Variants in GSDMD observed in about 807,000 individuals in gnomAD.
GSDMD encodes gasdermin D.
GSDMD carries 46 observed loss-of-function variants against 46.7 expected under a neutral mutation model. That is an observed-to-expected ratio of 0.99 (90% confidence interval 0.78 to 1.26). The LOEUF is 1.26. GSDMD is among the 50% of genes most tolerant of loss of function. The pLI is 0.00. For synonymous variants in GSDMD, 307 were observed against 283.1 expected, an observed-to-expected ratio of 1.08 and a Z score of -0.85; for missense variants, 649 against 638.8, an observed-to-expected ratio of 1.02 and a Z score of -0.17.
chr8:143,557,414 G>A (rs564384130), upstream of GSDMD, among the ~76,000 whole-genome samples: 69 of 152,074 alleles, frequency 4.5e-4, 2 homozygotes, highest in African/African-American at 1.5e-3. Flanking sequence ...AGCTGCTGCC[G>A]CTGTGGCGAA....
In GSDMD at chr8:143,558,429, C is replaced by A; in HGVS notation, c.-27C>A. ...GAGAGCAGACGCGCCAGACGCGCCA[C>A]CCTCGGGGCGCCGACGGTCACGGTG... On this transcript the variant is annotated 5_prime_UTR_variant, in exon 1 of 11. Coordinates refer to ENST00000262580, the MANE Select transcript of GSDMD (RefSeq NM_024736.7). 6.6e-7 allele frequency: 1 copy of A among 1,505,090 alleles called. No homozygotes were observed. The highest frequency in any genetic ancestry group is 8.8e-7 in the Non-Finnish European group (1 of 1,133,504). The allele number at this position is 1,505,090 out of a possible 1,614,324, so 93.2% of individuals were successfully genotyped here. A position where few individuals can be genotyped will look rare whatever the true frequency, so the allele number is the denominator to read the frequency against.
At chr8:143,559,299 G>GA in intron 1 of GSDMD, 33 bp from the exon 2 acceptor site, 1 of 476,606 alleles carries the variant, frequency 2.1e-6, no homozygotes, top group Non-Finnish European at 4.2e-6. Context: ...CCCGCCCCGA[G>GA]AGCACAATGC....
At chr8:143,561,536 G>C in intron 6 of GSDMD, 113 bp downstream of exon 6, 6 of 1,119,172 alleles carry the variant, frequency 5.4e-6, no homozygotes, top group Non-Finnish European at 6.4e-6. Context: ...GCAGCCCCCT[G>C]AGGCGGTGGG....
At chr8:143,555,663 T>C (rs1823286564), upstream of GSDMD, among the ~76,000 whole-genome samples, 1 of 152,198 alleles carries the variant, frequency 6.6e-6, no homozygotes, top group Admixed American at 6.5e-5. Context: ...CCCAGGGCGC[T>C]GGCTTCCAGG....
chr8:143,557,888 G>T (rs1823345972), upstream of GSDMD: 6 of 441,232 alleles, frequency 1.4e-5, no homozygotes, highest in South Asian at 9.8e-5. Context: ...CAGGCCCAAA[G>T]TTGTTTGTTT....
At position 143,559,763 on chromosome 8, in the gene GSDMD, T is replaced by C. The variant is rs1287060914; in HGVS notation, c.218-14T>C. 1.3e-6 allele frequency: 2 copies of C among 1,579,060 alleles called. No homozygotes were observed. Among genetic ancestry groups the C allele is most frequent in the African/African-American group, 1.3e-5 (1 of 74,544 alleles). On this transcript the variant is annotated splice_polypyrimidine_tract_variant and intron_variant, in intron 2 of 10. Coordinates refer to ENST00000262580, the MANE Select transcript of GSDMD (RefSeq NM_024736.7). ...GGGGCGCTGGGCACAGCCTCAGGTC[T>C]GGCCTTGCTTTAGACGTGCAGCGTG...
At chr8:143,558,300 C>T (rs991741814), upstream of GSDMD, 104 of 1,508,376 alleles carry the variant, frequency 6.9e-5, no homozygotes, top group Non-Finnish European at 9.0e-5. Context: ...GCGGGCTCTC[C>T]GGGACGGTTC....
At position 143,561,762 on chromosome 8, in the gene GSDMD, G is replaced by A. The variant is rs148948671; in HGVS notation, c.757G>A (p.Glu253Lys). The stretch of plus-strand genomic sequence containing the variant: ...CCCAGGCCACAAGCGTTCCACGAGC[G>A]AAGGCGCCTGGCCACAGCTGCCCTC... Reference protein sequence around the residue: ...PATGHKRSTSEGAWPQLPSGL... With the variant: ...PATGHKRSTSKGAWPQLPSGL... Residue 253 changes from glutamate (E) to lysine (K), a missense_variant, in exon 7 of 11, where the codon GAA becomes AAA. Physicochemically the swap from Glu to Lys is moderately conservative, Grantham distance 56. Transcript: ENST00000262580. 9.1e-5 allele frequency: 147 copies of A among 1,609,258 alleles called. No individual in the cohort carries two copies. The African/African-American group carries it at 1.6e-3, about 18-fold the overall frequency.
chr8:143,560,051 A>AT, intron 3 of GSDMD, 82 bp downstream of exon 3: 1 of 1,318,706 alleles, frequency 7.6e-7, no homozygotes, highest in South Asian at 1.3e-5. Context: ...TATTTAAATT[A>AT]TTTTTTGAGG....
At position 143,561,951 on chromosome 8, in the gene GSDMD, C is replaced by T. The variant is rs748582958; in HGVS notation, c.824-8C>T. 4 of 1,607,888 alleles carry T rather than the reference C, an allele frequency of 2.5e-6. No homozygotes were observed. The highest frequency in any genetic ancestry group is 3.4e-6 in the Non-Finnish European group (4 of 1,177,362). On this transcript the variant is annotated splice_region_variant and splice_polypyrimidine_tract_variant and intron_variant, in intron 7 of 10. Coordinates refer to ENST00000262580, the MANE Select transcript of GSDMD (RefSeq NM_024736.7). ...ACCTGGGCAGTGCCAGCCCTTCTGT[C>T]CCTACAGATGGGGTCCCTGCGGAGG...
chr8:143,558,620 C>G (rs929427263), intron 1 of GSDMD, 169 bp downstream of exon 1: 2 of 670,138 alleles, frequency 3.0e-6, no homozygotes, highest in African/African-American at 3.9e-5. Flanking sequence ...CTGCCCCTGG[C>G]CAGCCCAGGG....
Position 143,562,752 on chromosome 8 carries a change from G to C in GSDMD, c.1303G>C (p.Gly435Arg), listed in dbSNP as rs1291391810. ...GCTCCTGGGGAACAGCTGGGGCGAA[G>C]GAGCACCGGCCTGGGTCTTGCTGGA... ...PGLLGNSWGE[G>R]APAWVLLDEC... Residue 435 changes from glycine (G) to arginine (R), a missense_variant, in exon 11 of 11, where the codon GGA becomes CGA. Coordinates refer to ENST00000262580, the MANE Select transcript of GSDMD (RefSeq NM_024736.7). 3.8e-6 allele frequency: 6 copies of C among 1,587,076 alleles called. No individual in the cohort carries two copies. The South Asian group carries it at 6.8e-5, about 18-fold the overall frequency.
At chr8:143,558,933 T>G in intron 1 of GSDMD, 2 of 542,842 alleles carry the variant, frequency 3.7e-6, no homozygotes, top group South Asian at 3.1e-5. Context: ...ACACTCTGGC[T>G]GGGTTTTGCA....
chr8:143,559,831 A>C lies in GSDMD; in HGVS notation c.272A>C (p.Gln91Pro). 6.2e-7 allele frequency: 1 copy of C among 1,611,978 alleles called. No homozygotes were observed. Among genetic ancestry groups the C allele is most frequent in the Non-Finnish European group, 8.5e-7 (1 of 1,179,638 alleles). ...TACGATGCCATGGATGGGCAGATAC[A>C]GGGCAGCGTGGAGCTGGCAGCCCCA... Reference protein sequence around the residue: ...HFYDAMDGQIQGSVELAAPGQ... With the variant: ...HFYDAMDGQIPGSVELAAPGQ... Residue 91 changes from glutamine (Q) to proline (P), a missense_variant, in exon 3 of 11, where the codon CAG (glutamine) becomes CCG (proline). Coordinates refer to ENST00000262580, the MANE Select transcript of GSDMD (RefSeq NM_024736.7).
Position 143,562,452 on chromosome 8 carries a change from G to A in GSDMD, c.1143G>A (p.Leu381=). Residue 381 remains leucine (L), a synonymous_variant, in exon 10 of 11, where the codon CTG becomes CTA. Transcript: ENST00000262580. The stretch of plus-strand genomic sequence containing the variant: ...TTTTACCTGACTCTCTCCCAGTGCT[G>A]AGTGAAACGCAGCACAAGCTGCTGG... ...VVYLLGALTM[L]SETQHKLLAE... 6.2e-7 allele frequency: 1 copy of A among 1,608,526 alleles called. No individual in the cohort carries two copies. Among genetic ancestry groups the A allele is most frequent in the East Asian group, 2.2e-5 (1 of 44,848 alleles).
chr8:143,559,943 C>T lies in GSDMD; in HGVS notation c.384C>T (p.Asn128=). The change falls in exon 3 of 11, where the codon AAC becomes AAT. Residue 128 remains asparagine, a synonymous_variant. Coordinates refer to ENST00000262580, the MANE Select transcript of GSDMD (RefSeq NM_024736.7). ...TGTACTCGCTGAGTGTGGACCCTAACACCTGGCAGACTCTGCTCCATGAGA... is the reference window on the plus strand; with the variant it reads ...TGTACTCGCTGAGTGTGGACCCTAATACCTGGCAGACTCTGCTCCATGAGA... ...MNVYSLSVDP[N]TWQTLLHERH... 2 of 1,612,588 alleles carry T rather than the reference C, an allele frequency of 1.2e-6. No individual in the cohort carries two copies. The highest frequency in any genetic ancestry group is 1.7e-6 in the Non-Finnish European group (2 of 1,179,840).
chr8:143,562,404 C>T lies in GSDMD; in HGVS notation c.1139-44C>T, dbSNP rs201009517. 834 of 1,563,558 alleles carry T rather than the reference C, an allele frequency of 5.3e-4. 4 individuals carry two copies. In the African/African-American group the frequency reaches 7.7e-3, roughly 15 times the overall value. On this transcript the variant is annotated intron_variant, in intron 9 of 10. Coordinates refer to ENST00000262580, the MANE Select transcript of GSDMD (RefSeq NM_024736.7). The stretch of plus-strand genomic sequence containing the variant: ...GTGGGAGGGAGGGAGGTGGGCTTTC[C>T]CGGTGGGCGTTCAGAAACCCCCTTT...
chr8:143,561,915 G>A (rs112002155), intron 7 of GSDMD, 44 bp from the exon 8 acceptor site: 53,968 of 1,606,298 alleles, frequency 0.034, 1,115 homozygotes, highest in Middle Eastern at 0.063. Context: ...GCTTTCCAGG[G>A]CCCTGTAAGC....
At position 143,562,115 on chromosome 8, in the gene GSDMD, G is replaced by A. The variant is rs372538469; in HGVS notation, c.980G>A (p.Arg327Gln). Residue 327 changes from arginine (R) to glutamine (Q), a missense_variant, in exon 8 of 11, where the codon CGA (arginine) becomes CAA (glutamine). Coordinates refer to ENST00000262580, the MANE Select transcript of GSDMD (RefSeq NM_024736.7). ...GTGCTGCGGGACCAGCTGGCCCTGC[G>A]AGCCTTGGAGGAGGCGGTGAGCGGG... The part of the protein sequence containing the change: ...EGVLRDQLAL[R>Q]ALEEALEQGQ... The A allele has an allele frequency of 1.0e-5, 16 of 1,597,680 alleles. No individual in the cohort carries two copies. Among genetic ancestry groups the A allele is most frequent in the African/African-American group, 8.0e-5 (6 of 74,850 alleles).
Sources: gnomAD v4.1 joint callset for allele counts (sites outside exome capture counted in the v4.1 genomes callset) on GRCh38, gnomAD v4.1.1 for gene constraint, MANE v1.5 for transcripts, NCBI Gene and HGNC (gene_info 2026-07-23, HGNC 2026-07-21) for gene names.